The following DLGAP1 variants were observed in gnomAD, a reference collection of about 807,000 sequenced individuals.
DLGAP1 encodes DLG associated protein 1, also known as disks large-associated protein 1.
In DLGAP1, 11 loss-of-function variants were observed where a neutral mutation model predicts 90.8. That is an observed-to-expected ratio of 0.12 (90% CI 0.08 to 0.20). The LOEUF (loss-of-function observed/expected upper bound fraction) is 0.20. Ranked by LOEUF, DLGAP1 falls within the 10% of genes least tolerant of loss-of-function variation. The pLI is 1.00. For synonymous variants in DLGAP1, 558 were observed against 540.7 expected, an observed-to-expected ratio of 1.03 and a Z score of -0.44; for missense variants, 1,050 against 1,333.8, an observed-to-expected ratio of 0.79 and a Z score of 3.31.
chr18:4,434,039 C>G (rs187437095), intron 1 of DLGAP1, among the ~76,000 whole-genome samples: 1 of 152,188 alleles, frequency 6.6e-6, no homozygotes, highest in East Asian at 1.9e-4. Context: ...AGCCCTTCAG[C>G]TTGAACCTGG....
At chr18:3,664,180 GTA>G (rs1491448125) in intron 7 of DLGAP1, among the ~76,000 whole-genome samples, 6 of 132,492 alleles carry the variant, frequency 4.5e-5, no homozygotes, top group South Asian at 2.3e-4. Flanking sequence ...TTATGGGTCA[GTA>G]TACACACACA....
intron 3 of DLGAP1, among the ~76,000 whole-genome samples, chr18:3,883,968 C>T (rs571615668): frequency 9.2e-5 from 14 of 152,236 alleles, no homozygotes; most frequent in Non-Finnish European, 1.6e-4. Flanking sequence ...GAGGGCAATC[C>T]GCCTGGAAGA....
intron 10 of DLGAP1, among the ~76,000 whole-genome samples, chr18:3,511,238 T>A (rs2050522959): frequency 6.6e-6 from 1 of 152,112 alleles, no homozygotes; most frequent in Admixed American, 6.6e-5. Context: ...TCCGGAGAAC[T>A]AAAAACTCAC....
intron 1 of DLGAP1, among the ~76,000 whole-genome samples, chr18:4,256,959 T>C (rs558023220): frequency 6.4e-4 from 97 of 152,274 alleles, no homozygotes; most frequent in Middle Eastern, 3.4e-3. Flanking sequence ...AACAGCACTG[T>C]CAACACTCAC....
intron 2 of DLGAP1, among the ~76,000 whole-genome samples, chr18:4,047,700 G>T (rs2075074243): frequency 6.6e-6 from 1 of 152,192 alleles, no homozygotes; most frequent in Admixed American, 6.5e-5. Context: ...CCTTTATCCA[G>T]ATCAAGAATT....
chr18:4,427,808 T>C (rs2083189691), intron 1 of DLGAP1, among the ~76,000 whole-genome samples: 1 of 152,238 alleles, frequency 6.6e-6, no homozygotes, highest in African/African-American at 2.4e-5. Flanking sequence ...CCAAATGTTA[T>C]CATTTTTGAT....
At chr18:3,765,063 T>C (rs1286535439) in intron 5 of DLGAP1, among the ~76,000 whole-genome samples, 2 of 151,694 alleles carry the variant, frequency 1.3e-5, no homozygotes, top group African/African-American at 2.4e-5. Flanking sequence ...AGGTGGTGGA[T>C]GGGCATTCCC....
At chr18:4,158,644 G>A (rs183519047) in intron 1 of DLGAP1, among the ~76,000 whole-genome samples, 97 of 152,178 alleles carry the variant, frequency 6.4e-4, no homozygotes, top group Non-Finnish European at 1.1e-3. Flanking sequence ...CTGACTTCTT[G>A]GACACTTGAC....
At chr18:3,916,769 G>C (rs2072154080) in intron 3 of DLGAP1, among the ~76,000 whole-genome samples, 1 of 152,124 alleles carries the variant, frequency 6.6e-6, no homozygotes, top group African/African-American at 2.4e-5. Flanking sequence ...TTTGTAGAAG[G>C]GTGTGGGGAA....
intron 4 of DLGAP1, among the ~76,000 whole-genome samples, chr18:3,853,672 C>T (rs1007039830): frequency 8.0e-4 from 121 of 152,060 alleles, no homozygotes; most frequent in African/African-American, 2.7e-3. Context: ...GTGTTTCCAT[C>T]TTACTGGTTC....
Position 3,582,205 on chromosome 18 carries a change from G to C in DLGAP1, c.1635C>G (p.Val545=). The C allele has an allele frequency of 6.2e-7, 1 of 1,614,144 alleles. No individual in the cohort carries two copies. Among genetic ancestry groups the C allele is most frequent in the Non-Finnish European group, 8.5e-7 (1 of 1,180,034 alleles). ...ITTYKKTPPP[V]PPRTTTKPFI... ...AAGGTTTCGTGGTAGTTCTGGGTGG[G>C]ACTGGAGGTGGTGTCTTCTTATATG... Residue 545 remains valine, a synonymous_variant, in exon 8 of 13, where the codon GTC becomes GTG. Transcript: ENST00000315677.
At chr18:4,104,644 C>A (rs1407721017) in intron 2 of DLGAP1, among the ~76,000 whole-genome samples, 1 of 152,110 alleles carries the variant, frequency 6.6e-6, no homozygotes, top group Admixed American at 6.5e-5. Flanking sequence ...CTTTTCTGAT[C>A]ACGTTCTTCT....
chr18:3,998,884 ATT>A (rs1156912811), intron 3 of DLGAP1, among the ~76,000 whole-genome samples: 1 of 152,178 alleles, frequency 6.6e-6, no homozygotes, highest in Non-Finnish European at 1.5e-5. Context: ...CAGGCAAATT[ATT>A]GTGTTTTACG....
chr18:3,935,494 G>C (rs1599182688), intron 3 of DLGAP1, among the ~76,000 whole-genome samples: 1 of 152,260 alleles, frequency 6.6e-6, no homozygotes, highest in East Asian at 1.9e-4. Context: ...AAGTATTTTG[G>C]GTGTTGCTGC....
intron 8 of DLGAP1, among the ~76,000 whole-genome samples, chr18:3,581,559 C>T (rs1002111056): frequency 1.6e-4 from 24 of 151,262 alleles, no homozygotes; most frequent in Non-Finnish European, 3.1e-4. Context: ...GTACTGCTCT[C>T]GTGCCATTTG....
chr18:4,404,145 A>G (rs532804765), intron 1 of DLGAP1, among the ~76,000 whole-genome samples: 2 of 152,314 alleles, frequency 1.3e-5, no homozygotes, highest in South Asian at 4.1e-4. Context: ...GGTGATAAAA[A>G]TGTTCCTTAT....
intron 3 of DLGAP1, among the ~76,000 whole-genome samples, chr18:3,929,987 G>GT (rs753967208): frequency 3.3e-5 from 5 of 152,212 alleles, no homozygotes; most frequent in Non-Finnish European, 5.9e-5. Context: ...CATGGTGCTA[G>GT]TTTGCAAAGC....
intron 5 of DLGAP1, among the ~76,000 whole-genome samples, chr18:3,793,572 A>G (rs2065845139): frequency 6.6e-6 from 1 of 152,100 alleles, no homozygotes; most frequent in African/African-American, 2.4e-5. Context: ...AGGCTGTTAG[A>G]GTCCCATGTC....
intron 3 of DLGAP1, among the ~76,000 whole-genome samples, chr18:3,891,140 C>T (rs1221184373): frequency 6.6e-6 from 1 of 152,168 alleles, no homozygotes; most frequent in Non-Finnish European, 1.5e-5. Context: ...CCCACTTTTC[C>T]TGCCCTCTGA....
Sources: gnomAD v4.1 joint callset for allele counts (sites outside exome capture counted in the v4.1 genomes callset) on GRCh38, gnomAD v4.1.1 for gene constraint, MANE v1.5 for transcripts, NCBI Gene and HGNC (gene_info 2026-07-23, HGNC 2026-07-21) for gene names.